The following SETX variants were observed in gnomAD, a reference collection of about 807,000 sequenced individuals.
SETX encodes the protein senataxin, also known as helicase senataxin.
In SETX, 90 loss-of-function variants were observed where a neutral mutation model predicts 227.2. The observed-to-expected ratio is 0.40, with a 90% CI of 0.33 to 0.47. The LOEUF is 0.47. Among genes scored for constraint, SETX ranks in the 20% least tolerant of loss-of-function variants. SETX has a pLI of 0.91. For synonymous variants in SETX, 1,210 were observed against 1,113.2 expected (o/e 1.09, Z -1.73); for missense variants, 3,052 against 3,181.5 (o/e 0.96, Z 0.98).
Position 132,271,757 on chromosome 9 carries a change from AC to A in SETX, c.7151del (p.Cys2384LeufsTer25), listed in dbSNP as rs1373737242. On this transcript the variant is annotated frameshift_variant, in exon 24 of 26. Transcript: ENST00000224140. LOFTEE classifies it high-confidence loss of function. ...TTGCTCTGACACACGTAACAATAAC[AC>A]AATCCTTCTGCCGACCCTGGAATGC... ...VDAFQGRQKDCVIVTCVRANS... is the reference protein window; with the variant it reads ...VDAFQGRQKDXVIVTCVRANS... 6.2e-7 allele frequency: 1 copy of A among 1,614,026 alleles called. No individual in the cohort carries two copies. Among genetic ancestry groups the A allele is most frequent in the Admixed American group, 1.7e-5 (1 of 60,002 alleles).
At chr9:132,353,437 A>G (rs1848706123) in intron 2 of SETX, among the ~76,000 whole-genome samples, 1 of 152,096 alleles carries the variant, frequency 6.6e-6, no homozygotes. Context: ...GAACTCCACT[A>G]AGATTCGAAG....
Position 132,343,674 on chromosome 9 carries a change from G to A in SETX, c.389-875C>T, listed in dbSNP as rs1422246616. On this transcript the variant is annotated intron_variant, in intron 4 of 25. Coordinates refer to ENST00000224140, the MANE Select transcript of SETX (RefSeq NM_015046.7). Reference sequence around the variant, plus strand: ...GGCTTTAGGGATGGGGAGGCATAATGAGTAGAAAAGCATGAAGGGCACTCC... The same window carrying A: ...GGCTTTAGGGATGGGGAGGCATAATAAGTAGAAAAGCATGAAGGGCACTCC... Among the ~76,000 whole-genome samples the A allele has an allele frequency of 2.6e-5, 4 of 152,134 alleles. No individual in the cohort carries two copies. In the East Asian group the frequency reaches 7.7e-4, roughly 29 times the overall value.
rs190832998 is a variant in SETX at position 132,353,748 on chromosome 9, G to C, written c.-107C>G. On this transcript the variant is annotated 5_prime_UTR_variant, in exon 2 of 26. Coordinates refer to ENST00000224140, the MANE Select transcript of SETX (RefSeq NM_015046.7). ...ATATGCCCAGACTCTGGCCCCAAAAGAACATTTCTGAAATTAAAAAACAAA... is the reference window on the plus strand; with the variant it reads ...ATATGCCCAGACTCTGGCCCCAAAACAACATTTCTGAAATTAAAAAACAAA... The C allele has an allele frequency of 6.6e-6, 1 of 152,280 alleles. No individual in the cohort carries two copies. The highest frequency in any genetic ancestry group is 2.4e-5 in the African/African-American group (1 of 41,536). 9.4% of individuals were successfully genotyped at this position (152,280 alleles called of 1,614,324 possible). A position where few individuals can be genotyped will look rare whatever the true frequency, so the allele number is the denominator to read the frequency against.
At chr9:132,276,301 G>C (rs866226581) in intron 22 of SETX, among the ~76,000 whole-genome samples, 8 of 152,200 alleles carry the variant, frequency 5.3e-5, no homozygotes, top group Middle Eastern at 3.4e-3. Context: ...AAAACCTTTA[G>C]GCTGCAGTCC....
rs192856611 is a variant in SETX, at chr9:132,343,033, T to A, written c.389-234A>T. Among the ~76,000 whole-genome samples, 234 of 152,264 alleles carry A rather than the reference T, an allele frequency of 1.5e-3. 4 individuals carry two copies. Among genetic ancestry groups the A allele is most frequent in the Non-Finnish European group, 3.7e-4 (25 of 68,008 alleles). On this transcript the variant is annotated intron_variant, in intron 4 of 25. Coordinates refer to ENST00000224140, the MANE Select transcript of SETX (RefSeq NM_015046.7). ...TTCTGACCTTATTAGAATAGATCCC[T>A]TTTTTGCCGGGCGCGGTGGCTCACA...
At chr9:132,348,376 A>C (rs1489438952) in intron 3 of SETX, among the ~76,000 whole-genome samples, 6 of 116,780 alleles carry the variant, frequency 5.1e-5, no homozygotes, top group Non-Finnish European at 9.4e-5. Flanking sequence ...AAAAAAACAA[A>C]ACAAAAAAAA....
rs929646295 is a variant in SETX, at chr9:132,341,509, C to G, written c.498+1181G>C. On this transcript the variant is annotated intron_variant, in intron 5 of 25. Transcript: ENST00000224140. ...CTGCTTTCTATCCATCCTTGAGAGTCCTGCTCCAGAACTAGGTCTACTATC... is the reference window on the plus strand; with the variant it reads ...CTGCTTTCTATCCATCCTTGAGAGTGCTGCTCCAGAACTAGGTCTACTATC... 2.0e-5 allele frequency among the ~76,000 whole-genome samples: 3 copies of G among 152,272 alleles called. No individual in the cohort carries two copies. The South Asian group carries it at 6.2e-4, about 32-fold the overall frequency.
chr9:132,269,492 G>A, intron 25 of SETX, 123 bp downstream of exon 25: 1 of 1,598,704 alleles, frequency 6.3e-7, no homozygotes, highest in Non-Finnish European at 8.5e-7. Context: ...AGAAGTTGCT[G>A]GAAAACATAA....
chr9:132,304,656 G>A (rs77871503), intron 11 of SETX, among the ~76,000 whole-genome samples: 1 of 149,992 alleles, frequency 6.7e-6, no homozygotes, highest in African/African-American at 2.4e-5. Context: ...AAGAAAGAAA[G>A]AAAAGAAAAA....
In SETX at chr9:132,278,050, A is replaced by C. The variant is rs1465116102; in HGVS notation, c.6842+20T>G. On this transcript the variant is annotated intron_variant, in intron 21 of 25. Coordinates refer to ENST00000224140, the MANE Select transcript of SETX (RefSeq NM_015046.7). ...CTAAACTACAACAAAATAAGGTCAC[A>C]AACAATAAGGGGAACTCACCTATTT... The C allele has an allele frequency of 4.4e-6, 7 of 1,608,178 alleles. No homozygotes were observed. The East Asian group carries it at 6.7e-5, about 15-fold the overall frequency.
At chr9:132,280,924 A>G (rs961055549) in intron 20 of SETX, among the ~76,000 whole-genome samples, 3 of 152,016 alleles carry the variant, frequency 2.0e-5, no homozygotes, top group Admixed American at 6.6e-5. Flanking sequence ...TTTCCCCTGT[A>G]CCTTCACTTT....
chr9:132,294,363 G>A (rs977956013), intron 15 of SETX, among the ~76,000 whole-genome samples: 3 of 152,192 alleles, frequency 2.0e-5, no homozygotes, highest in Non-Finnish European at 4.4e-5. Context: ...AAATTGAAAA[G>A]AAACTAAATT....
At chr9:132,324,953 A>G (rs1427546037) in intron 10 of SETX, among the ~76,000 whole-genome samples, 1 of 152,238 alleles carries the variant, frequency 6.6e-6, no homozygotes, top group East Asian at 1.9e-4. Flanking sequence ...TCAAATTTTA[A>G]CGGGAATCTT....
intron 25 of SETX, 152 bp from the exon 26 acceptor site, chr9:132,265,137 A>G (rs528317744): frequency 3.2e-5 from 31 of 979,312 alleles, no homozygotes; most frequent in South Asian, 1.6e-4. Flanking sequence ...GGATGAAAGG[A>G]AAAAATAAAT....
At chr9:132,345,499 C>T (rs190803286) in intron 4 of SETX, among the ~76,000 whole-genome samples, 1 of 152,150 alleles carries the variant, frequency 6.6e-6, no homozygotes, top group Non-Finnish European at 1.5e-5. Flanking sequence ...GTCTTGAACT[C>T]CTGACCTCAG....
rs200017079 is a variant in SETX, at chr9:132,297,040, T to C, written c.5796A>G (p.Arg1932=). The C allele has an allele frequency of 3.7e-6, 6 of 1,612,960 alleles. No individual in the cohort carries two copies. The highest frequency in any genetic ancestry group is 1.3e-5 in the African/African-American group (1 of 75,042). ...CTTTCTTTTGATCTTCATTGAAATC[T>C]CTTAAGTACGCAATCTATATAAAAA... ...TTSERIIAYL[R]DFNEDQKKAI... Residue 1932 remains arginine, a synonymous_variant, in exon 14 of 26, where the codon AGA becomes AGG. Coordinates refer to ENST00000224140, the MANE Select transcript of SETX (RefSeq NM_015046.7).
At chr9:132,325,429 T>G (rs1846673113) in intron 10 of SETX, among the ~76,000 whole-genome samples, 1 of 152,164 alleles carries the variant, frequency 6.6e-6, no homozygotes, top group East Asian at 1.9e-4. Flanking sequence ...GATTCATTAC[T>G]TTGTGTTCAA....
In SETX at chr9:132,311,965, G is replaced by A. The variant is rs1845695193; in HGVS notation, c.5275-109C>T. On this transcript the variant is annotated intron_variant, in intron 10 of 25. Transcript: ENST00000224140. The stretch of plus-strand genomic sequence containing the variant: ...AGTAAAATCCAGAAGCTAGAATCTA[G>A]GTGACAAAAACTAAAAATTGATTCA... 6 of 902,590 alleles carry A rather than the reference G, an allele frequency of 6.6e-6. No homozygotes were observed. The South Asian group carries it at 7.1e-5, about 11-fold the overall frequency. 55.9% of individuals were successfully genotyped at this position (902,590 alleles called of 1,614,324 possible).
intron 10 of SETX, among the ~76,000 whole-genome samples, chr9:132,321,719 G>A (rs1003975260): frequency 6.6e-6 from 1 of 150,518 alleles, no homozygotes; most frequent in African/African-American, 2.4e-5. Flanking sequence ...GTGGTGGTGT[G>A]CACCTGTAGT....
Sources: allele counts gnomAD v4.1 joint callset (sites outside exome capture counted in the v4.1 genomes callset), GRCh38; gene constraint gnomAD v4.1.1; transcripts MANE v1.5; gene names NCBI Gene and HGNC (gene_info 2026-07-23, HGNC 2026-07-21).